Variants in PHACTR3 observed in about 807,000 individuals in gnomAD.
PHACTR3 encodes the protein protein phosphatase 1, regulatory subunit 123.
In PHACTR3, 16 loss-of-function variants were observed where a neutral mutation model predicts 66.8. The observed-to-expected ratio is 0.24, with a 90% CI of 0.16 to 0.36. PHACTR3 has a LOEUF of 0.36. Ranked by LOEUF, PHACTR3 falls within the 10% of genes least tolerant of loss-of-function variation. The pLI is 1.00. For missense variants in PHACTR3, 647 were observed against 719.9 expected, an observed-to-expected ratio of 0.90 and a Z score of 1.16; for synonymous variants, 323 against 292.1, an observed-to-expected ratio of 1.11 and a Z score of -1.08.
At chr20:59,805,464 A>T (rs1182524) in intron 7 of PHACTR3, among the ~76,000 whole-genome samples, 9 of 152,152 alleles carry the variant, frequency 5.9e-5, no homozygotes, top group African/African-American at 1.7e-4. Context: ...AATTAAGATA[A>T]GTGGAGTGGT....
At chr20:59,639,594 G>A (rs1449136515) in intron 1 of PHACTR3, among the ~76,000 whole-genome samples, 2 of 152,156 alleles carry the variant, frequency 1.3e-5, no homozygotes, top group Non-Finnish European at 1.5e-5. Flanking sequence ...TGGGAGGCAG[G>A]CACAAAGATT....
rs1347184310 is a variant in PHACTR3, at chr20:59,604,980, G to A, written c.-35G>A. 7.9e-7 allele frequency: 1 copy of A among 1,270,316 alleles called. No individual in the cohort carries two copies. Among genetic ancestry groups the A allele is most frequent in the Non-Finnish European group, 1.0e-6 (1 of 1,002,706 alleles). The allele number at this position is 1,270,316 out of a possible 1,614,324, so 78.7% of individuals were successfully genotyped here. A position where few individuals can be genotyped will look rare whatever the true frequency, so the allele number is the denominator to read the frequency against. On this transcript the variant is annotated 5_prime_UTR_variant, in exon 1 of 13. Transcript: ENST00000371015. ...GCCTCGGATGCTCTGATTCCACGCG[G>A]CTCGCTCTAACTTGCCCCCGCGCCG...
chr20:59,747,853 C>G lies in PHACTR3; in HGVS notation c.358+18C>G, dbSNP rs1300955703. The stretch of plus-strand genomic sequence containing the variant: ...GGAGCAGGGTAAGTGGGACCCGTCC[C>G]TGGCTTGGAAGGGCACGGTGCTGGG... On this transcript the variant is annotated intron_variant, in intron 3 of 12. Coordinates refer to ENST00000371015, the MANE Select transcript of PHACTR3 (RefSeq NM_080672.5). 1.2e-6 allele frequency: 2 copies of G among 1,612,412 alleles called. No individual in the cohort carries two copies. The highest frequency in any genetic ancestry group is 1.7e-6 in the Non-Finnish European group (2 of 1,179,012).
intron 1 of PHACTR3, among the ~76,000 whole-genome samples, chr20:59,708,500 C>A (rs575202293): frequency 5.2e-4 from 79 of 152,262 alleles, no homozygotes; most frequent in Middle Eastern, 6.8e-3. Context: ...CAGAATAAGT[C>A]CCATGTGCAG....
At chr20:59,745,603 C>T (rs1041345872) in intron 2 of PHACTR3, among the ~76,000 whole-genome samples, 7 of 152,194 alleles carry the variant, frequency 4.6e-5, no homozygotes, top group African/African-American at 1.7e-4. Context: ...CCTGATTTCA[C>T]GGGCATCACG....
At chr20:59,666,845 C>T (rs1322566055) in intron 1 of PHACTR3, among the ~76,000 whole-genome samples, 4 of 152,224 alleles carry the variant, frequency 2.6e-5, no homozygotes, top group Non-Finnish European at 4.4e-5. Context: ...CCCATCACGC[C>T]CCTTCTGATC....
At chr20:59,594,504 T>C (rs1390344981) in intron 1 of PHACTR3, among the ~76,000 whole-genome samples, 4 of 152,198 alleles carry the variant, frequency 2.6e-5, no homozygotes, top group Admixed American at 2.6e-4. Context: ...AAAACCTGTC[T>C]GAGTTTTGTC....
intron 1 of PHACTR3, among the ~76,000 whole-genome samples, chr20:59,592,025 A>G (rs2033196823): frequency 6.6e-6 from 1 of 152,044 alleles, no homozygotes. Context: ...ACTTTTGTGC[A>G]CGGCTTTTGA....
At chr20:59,639,010 G>A (rs978095150) in intron 1 of PHACTR3, among the ~76,000 whole-genome samples, 1 of 148,708 alleles carries the variant, frequency 6.7e-6, no homozygotes, top group Admixed American at 6.7e-5. Context: ...GGATAGGTGG[G>A]TGGGTGGATG....
chr20:59,760,217 T>A (rs2039950257), intron 4 of PHACTR3, among the ~76,000 whole-genome samples: 1 of 152,140 alleles, frequency 6.6e-6, no homozygotes, highest in Non-Finnish European at 1.5e-5. Flanking sequence ...ATATTGCAAA[T>A]CTCTCAGGAG....
chr20:59,816,815 A>C (rs1314204923), intron 8 of PHACTR3, among the ~76,000 whole-genome samples: 2 of 152,158 alleles, frequency 1.3e-5, no homozygotes, highest in Non-Finnish European at 1.5e-5. Context: ...GAACAGGTTA[A>C]TGGCTGCTGG....
At chr20:59,840,494 C>G in intron 10 of PHACTR3, 64 bp downstream of exon 10, 2 of 1,599,576 alleles carry the variant, frequency 1.3e-6, no homozygotes, top group East Asian at 4.5e-5. Flanking sequence ...GCTTCGGTAG[C>G]AGGTGGGATG....
At chr20:59,674,844 C>CCTGTCT (rs2036382195) in intron 1 of PHACTR3, among the ~76,000 whole-genome samples, 1 of 71,058 alleles carries the variant, frequency 1.4e-5, no homozygotes, top group Admixed American at 1.5e-4. Flanking sequence ...TCTGCCTTCT[C>CCTGTCT]CTGCCTTCTC....
intron 7 of PHACTR3, among the ~76,000 whole-genome samples, chr20:59,789,319 G>T (rs1374448104): frequency 1.3e-5 from 2 of 152,206 alleles, no homozygotes; most frequent in African/African-American, 4.8e-5. Flanking sequence ...AACGGGTTCT[G>T]TGCAGATCCA....
Position 59,638,661 on chromosome 20 carries a change from G to A in PHACTR3, c.118+33529G>A, listed in dbSNP as rs193175799. Among the ~76,000 whole-genome samples, 174 of 145,532 alleles carry A rather than the reference G, an allele frequency of 1.2e-3. 1 individual carries two copies. The highest frequency in any genetic ancestry group is 2.1e-3 in the Non-Finnish European group (138 of 66,586). On this transcript the variant is annotated intron_variant, in intron 1 of 12. Coordinates refer to ENST00000371015, the MANE Select transcript of PHACTR3 (RefSeq NM_080672.5). ...TGGATGGGTGGGTGAATGGATTGACGGATGATGGCTAGGTAGATATACCAG... is the reference window on the plus strand; with the variant it reads ...TGGATGGGTGGGTGAATGGATTGACAGATGATGGCTAGGTAGATATACCAG...
upstream of PHACTR3, among the ~76,000 whole-genome samples, chr20:59,600,045 CCT>C (rs894257176): frequency 5.9e-5 from 9 of 152,182 alleles, no homozygotes; most frequent in African/African-American, 1.9e-4. Flanking sequence ...TGGGTCATCC[CCT>C]CTTTGTGGCT....
intron 1 of PHACTR3, among the ~76,000 whole-genome samples, chr20:59,705,052 G>A (rs571311475): frequency 9.4e-4 from 143 of 151,906 alleles, no homozygotes; most frequent in African/African-American, 3.2e-3. Context: ...CACCTCCTGG[G>A]TTCAAGCAAT....
chr20:59,587,660 C>T (rs1465569627), intron 1 of PHACTR3, among the ~76,000 whole-genome samples: 5 of 152,162 alleles, frequency 3.3e-5, no homozygotes, highest in Admixed American at 2.6e-4. Flanking sequence ...ACTTCCTGCT[C>T]GTTCTGGTGG....
chr20:59,641,167 C>T (rs2146423725), intron 1 of PHACTR3, among the ~76,000 whole-genome samples: 1 of 152,226 alleles, frequency 6.6e-6, no homozygotes, highest in African/African-American at 2.4e-5. Context: ...ATCCATCCAC[C>T]TCTGTTCATC....
Sources: allele counts gnomAD v4.1 joint callset (sites outside exome capture counted in the v4.1 genomes callset), GRCh38; gene constraint gnomAD v4.1.1; transcripts MANE v1.5; gene names NCBI Gene and HGNC (gene_info 2026-07-23, HGNC 2026-07-21).